Variants in BCL2L13 observed in about 807,000 individuals in gnomAD.
The protein encoded by BCL2L13 is bcl-2-like protein 13.
A neutral mutation model predicts 25.8 loss-of-function variants in BCL2L13; 13 were observed. The observed-to-expected ratio is 0.50, with a 90% CI of 0.33 to 0.80. The LOEUF is 0.80. Ranked by LOEUF, BCL2L13 falls within the 30% of genes least tolerant of loss-of-function variation. The pLI, the probability that BCL2L13 is intolerant of heterozygous loss-of-function variation, is 0.02. For missense variants in BCL2L13, 504 were observed against 574.9 expected (o/e 0.88, Z 1.26); for synonymous variants, 244 against 230.3 (o/e 1.06, Z -0.54).
At chr22:17,687,008 T>C (rs2059961500) in intron 3 of BCL2L13, among the ~76,000 whole-genome samples, 1 of 152,068 alleles carries the variant, frequency 6.6e-6, no homozygotes, top group Non-Finnish European at 1.5e-5. Context: ...TCCAGCTTGC[T>C]CAAACAACAA....
intron 5 of BCL2L13, among the ~76,000 whole-genome samples, chr22:17,700,996 C>T (rs2060416190): frequency 1.3e-5 from 2 of 152,088 alleles, no homozygotes; most frequent in African/African-American, 2.4e-5. Context: ...GTTTCATTTC[C>T]TTTTGCATTC....
At position 17,660,004 on chromosome 22, in the gene BCL2L13, C is replaced by T. The variant is rs543179134; in HGVS notation, c.121+4172C>T. Among the ~76,000 whole-genome samples the T allele has an allele frequency of 4.5e-4, 65 of 145,962 alleles. 9 individuals are homozygous for T. Among genetic ancestry groups the T allele is most frequent in the Non-Finnish European group, 8.6e-4 (55 of 64,154 alleles). On this transcript the variant is annotated intron_variant, in intron 2 of 6. Transcript: ENST00000317582. ...CCGAGTAGCTGGGACTACAGGCACGCGCCACTGCGCCGAGCTCATTTTTAT... is the reference window on the plus strand; with the variant it reads ...CCGAGTAGCTGGGACTACAGGCACGTGCCACTGCGCCGAGCTCATTTTTAT...
At chr22:17,657,358 T>G (rs1219555267) in intron 2 of BCL2L13, among the ~76,000 whole-genome samples, 1 of 116,156 alleles carries the variant, frequency 8.6e-6, no homozygotes, top group Non-Finnish European at 1.9e-5. Flanking sequence ...AATACTCTCC[T>G]CATCTTCTCT....
chr22:17,652,280 C>G (rs1165576045), intron 1 of BCL2L13, among the ~76,000 whole-genome samples: 1 of 151,946 alleles, frequency 6.6e-6, no homozygotes, highest in Non-Finnish European at 1.5e-5. Flanking sequence ...TCAAGTGATC[C>G]CTCTGCCTTG....
At chr22:17,656,770 G>A (rs908405579) in intron 2 of BCL2L13, among the ~76,000 whole-genome samples, 4 of 152,072 alleles carry the variant, frequency 2.6e-5, no homozygotes. Context: ...TTGTTGAGCA[G>A]TCTGTTGTCA....
chr22:17,659,555 G>A (rs2059000894), intron 2 of BCL2L13, among the ~76,000 whole-genome samples: 1 of 145,468 alleles, frequency 6.9e-6, no homozygotes, highest in Non-Finnish European at 1.6e-5. Context: ...CAGCTACTTA[G>A]GAGGCTGAGG....
At chr22:17,719,251 G>A (rs1036588687) in intron 6 of BCL2L13, among the ~76,000 whole-genome samples, 3 of 149,620 alleles carry the variant, frequency 2.0e-5, no homozygotes, top group Non-Finnish European at 4.4e-5. Flanking sequence ...TGAATTACAC[G>A]TCATTCTAAA....
Position 17,638,757 on chromosome 22 carries a change from AC to A in BCL2L13, c.-177del. 2 of 1,231,474 alleles carry A rather than the reference AC, an allele frequency of 1.6e-6. No individual in the cohort carries two copies. The highest frequency in any genetic ancestry group is 2.0e-6 in the Non-Finnish European group (2 of 987,902). The allele number at this position is 1,231,474 out of a possible 1,614,324, so 76.3% of individuals were successfully genotyped here. A position where few individuals can be genotyped will look rare whatever the true frequency, so the allele number is the denominator to read the frequency against. On this transcript the variant is annotated 5_prime_UTR_variant, in exon 1 of 7. Coordinates refer to ENST00000317582, the MANE Select transcript of BCL2L13 (RefSeq NM_015367.4). ...GACGAAGGCACGCCGGGGTGACCTCACCCTCCAACATGGCGGCGGCGGTAGA... is the reference window on the plus strand; with the variant it reads ...GACGAAGGCACGCCGGGGTGACCTCACCTCCAACATGGCGGCGGCGGTAGA...
intron 6 of BCL2L13, among the ~76,000 whole-genome samples, chr22:17,722,404 T>TGTGTGTGTGTGTGTGCGC (rs1555898187): frequency 6.6e-6 from 1 of 151,534 alleles, no homozygotes; most frequent in African/African-American, 2.4e-5. Flanking sequence ...TGTGTGTGTG[T>TGTGTGTGTGTGTGTGCGC]GTGTGTGTGT....
At chr22:17,661,181 C>G (rs1423808723) in intron 2 of BCL2L13, among the ~76,000 whole-genome samples, 2 of 145,728 alleles carry the variant, frequency 1.4e-5, no homozygotes, top group African/African-American at 4.9e-5. Context: ...CAACCTCTGC[C>G]TCCCGGGTTC....
At chr22:17,723,710 G>A (rs1320980013) in intron 6 of BCL2L13, among the ~76,000 whole-genome samples, 1 of 152,126 alleles carries the variant, frequency 6.6e-6, no homozygotes, top group African/African-American at 2.4e-5. Flanking sequence ...CGAGGTAGGT[G>A]GATCACGAGG....
intron 1 of BCL2L13, among the ~76,000 whole-genome samples, chr22:17,647,859 T>C (rs2058546979): frequency 6.6e-6 from 1 of 152,232 alleles, no homozygotes; most frequent in African/African-American, 2.4e-5. Flanking sequence ...CCGGGCGCAG[T>C]GGCTCACGCC....
Position 17,727,570 on chromosome 22 carries a change from G to C in BCL2L13, c.*36G>C. The C allele has an allele frequency of 6.2e-7, 1 of 1,606,582 alleles. No individual in the cohort carries two copies. Among genetic ancestry groups the C allele is most frequent in the Non-Finnish European group, 8.5e-7 (1 of 1,175,814 alleles). ...AGAAGAGAAAGACAGAAGGATGTAA[G>C]GTTGGAGTTGTATTGGCTGGAATTT... On this transcript the variant is annotated 3_prime_UTR_variant, in exon 7 of 7. Transcript: ENST00000317582.
At chr22:17,641,948 C>A (rs1187525605) in intron 1 of BCL2L13, among the ~76,000 whole-genome samples, 1 of 151,312 alleles carries the variant, frequency 6.6e-6, no homozygotes, top group Non-Finnish European at 1.5e-5. Flanking sequence ...TACAGGCGCC[C>A]GCCACCACGC....
At chr22:17,689,183 T>C in intron 4 of BCL2L13, 41 bp downstream of exon 4, 1 of 1,596,220 alleles carries the variant, frequency 6.3e-7, no homozygotes, top group Non-Finnish European at 8.6e-7. Flanking sequence ...CTTTAAGTAG[T>C]CTCTGGATCT....
intron 1 of BCL2L13, among the ~76,000 whole-genome samples, chr22:17,652,177 T>C (rs948821099): frequency 6.6e-6 from 1 of 152,170 alleles, no homozygotes; most frequent in East Asian, 1.9e-4. Context: ...GCTTAGCCTG[T>C]GCTTAAAACA....
intron 3 of BCL2L13, chr22:17,684,831 C>G (rs1004655780): frequency 6.0e-6 from 2 of 334,078 alleles, no homozygotes; most frequent in African/African-American, 2.2e-5. Flanking sequence ...CTCCTGGGTT[C>G]AGGCCATTCT....
At chr22:17,638,946 T>C in intron 1 of BCL2L13, 60 bp downstream of exon 1, 1 of 1,196,708 alleles carries the variant, frequency 8.4e-7, no homozygotes, top group Non-Finnish European at 1.0e-6. Flanking sequence ...TTCACCTGGG[T>C]AGGAAAGTGC....
At chr22:17,641,686 A>T (rs958251291) in intron 1 of BCL2L13, among the ~76,000 whole-genome samples, 7 of 152,066 alleles carry the variant, frequency 4.6e-5, no homozygotes, top group Non-Finnish European at 1.0e-4. Context: ...ATTAGCAGTC[A>T]TTCTTTATTA....
Sources: allele counts gnomAD v4.1 joint callset (sites outside exome capture counted in the v4.1 genomes callset), GRCh38; gene constraint gnomAD v4.1.1; transcripts MANE v1.5; gene names NCBI Gene and HGNC (gene_info 2026-07-23, HGNC 2026-07-21).